REV3L: variants seen among roughly 807,000 people sequenced by gnomAD.
The protein encoded by REV3L is DNA polymerase zeta catalytic subunit.
REV3L carries 69 observed loss-of-function variants against 299.4 expected under a neutral mutation model. The observed-to-expected ratio is 0.23, with a 90% CI of 0.19 to 0.28. The LOEUF (loss-of-function observed/expected upper bound fraction) is 0.28. Ranked by LOEUF, REV3L falls within the 10% of genes least tolerant of loss-of-function variation. The pLI is 1.00. For missense variants in REV3L, 3,128 were observed against 3,693.8 expected, an observed-to-expected ratio of 0.85 and a Z score of 3.97; for synonymous variants, 1,238 against 1,271.4, an observed-to-expected ratio of 0.97 and a Z score of 0.56.
In REV3L at chr6:111,367,617, T is replaced by C; in HGVS notation, c.6171A>G (p.Pro2057=). The change falls in exon 14 of 32, where the codon CCA becomes CCG. Residue 2057 remains proline (P), a synonymous_variant. Coordinates refer to ENST00000368802, the MANE Select transcript of REV3L (RefSeq NM_001372078.1). ...TATGTGCTGTAGTGGGGAGTATACA[T>C]GGACTTACATCCATTTTTGGAGGCA... ...PVVPPKMDVS[P]CILPTTAHTK... is the part of the protein sequence containing the mutation. 5 of 1,614,222 alleles carry C rather than the reference T, an allele frequency of 3.1e-6. No homozygotes were observed. Among genetic ancestry groups the C allele is most frequent in the Non-Finnish European group, 4.2e-6 (5 of 1,180,034 alleles).
chr6:111,482,960 T>C lies in REV3L; in HGVS notation c.-72A>G, dbSNP rs1465788656. 1.4e-6 allele frequency: 2 copies of C among 1,431,720 alleles called. No individual in the cohort carries two copies. Among genetic ancestry groups the C allele is most frequent in the Non-Finnish European group, 1.8e-6 (2 of 1,096,858 alleles). 88.7% of individuals were successfully genotyped at this position (1,431,720 alleles called of 1,614,324 possible). A position where few individuals can be genotyped will look rare whatever the true frequency, so the allele number is the denominator to read the frequency against. On this transcript the variant is annotated 5_prime_UTR_variant, in exon 1 of 32. Transcript: ENST00000368802. Reference sequence around the variant, plus strand: ...GGCAGCAGCAGCGGCGGCGGCTCCCTCCGCAGCGGCGGCGGCGCCCCCTCC... The same window carrying C: ...GGCAGCAGCAGCGGCGGCGGCTCCCCCCGCAGCGGCGGCGGCGCCCCCTCC...
At position 111,359,011 on chromosome 6, in the gene REV3L, G is replaced by C. The variant is rs1267501373; in HGVS notation, c.6883C>G (p.Gln2295Glu). Residue 2295 changes from glutamine to glutamate, a missense_variant, in exon 17 of 32, where the codon CAA becomes GAA. Physicochemically the swap from Gln to Glu is conservative, Grantham distance 29. This residue lies in a region of REV3L where 2,409 missense variants were observed against 2,611.8 expected (regional missense o/e 0.92). Transcript: ENST00000368802. ...TCCACACTGATTAGGGTAAGATTTT[G>C]TATCTATAAAAGCAAATAAATACTA... is the stretch of plus-strand genomic sequence containing the variant. The part of the protein sequence containing the change: ...LQEAKALHEI[Q>E]NLTLISVELH... 2.5e-6 allele frequency: 4 copies of C among 1,605,552 alleles called. No individual in the cohort carries two copies. Among genetic ancestry groups the C allele is most frequent in the East Asian group, 2.2e-5 (1 of 44,740 alleles).
intron 13 of REV3L, among the ~76,000 whole-genome samples, chr6:111,369,390 A>G (rs1779560746): frequency 6.6e-6 from 1 of 152,036 alleles, no homozygotes; most frequent in Non-Finnish European, 1.5e-5. Context: ...AAAATCTCCT[A>G]ATATGTATCA....
Position 111,313,250 on chromosome 6 carries a change from A to C in REV3L, c.8604+102T>G, listed in dbSNP as rs918408742. 5 of 1,008,076 alleles carry C rather than the reference A, an allele frequency of 5.0e-6. No homozygotes were observed. The Admixed American group carries it at 1.3e-4, about 26-fold the overall frequency. 62.4% of individuals were successfully genotyped at this position (1,008,076 alleles called of 1,614,324 possible). A position where few individuals can be genotyped will look rare whatever the true frequency, so the allele number is the denominator to read the frequency against. ...TATAGTTATATTAATTATATAGGCTATAGTTCCTTCACCTAGATGCATGTT... is the reference window on the plus strand; with the variant it reads ...TATAGTTATATTAATTATATAGGCTCTAGTTCCTTCACCTAGATGCATGTT... On this transcript the variant is annotated intron_variant, in intron 28 of 31. Transcript: ENST00000368802.
At chr6:111,396,476 T>C (rs1782524186) in intron 4 of REV3L, among the ~76,000 whole-genome samples, 1 of 152,120 alleles carries the variant, frequency 6.6e-6, no homozygotes, top group Non-Finnish European at 1.5e-5. Context: ...TCCTGTCTGA[T>C]TTTGGTATCA....
At chr6:111,418,055 T>G (rs1784949342) in intron 1 of REV3L, among the ~76,000 whole-genome samples, 1 of 152,342 alleles carries the variant, frequency 6.6e-6, no homozygotes, top group African/African-American at 2.4e-5. Context: ...GATGACTTAC[T>G]TGAATGCTTT....
At position 111,313,227 on chromosome 6, in the gene REV3L, T is replaced by C. The variant is rs539862968; in HGVS notation, c.8604+125A>G. On this transcript the variant is annotated intron_variant, in intron 28 of 31. Transcript: ENST00000368802. Reference sequence around the variant, plus strand: ...CTCAAAATTCATGTAGTTACTCCTATAGTTATATTAATTATATAGGCTATA... The same window carrying C: ...CTCAAAATTCATGTAGTTACTCCTACAGTTATATTAATTATATAGGCTATA... 5.0e-5 allele frequency: 39 copies of C among 784,718 alleles called. 1 individual carries two copies. The highest frequency in any genetic ancestry group is 7.4e-5 in the Non-Finnish European group (39 of 526,044). 48.6% of individuals were successfully genotyped at this position (784,718 alleles called of 1,614,324 possible). A position where few individuals can be genotyped will look rare whatever the true frequency, so the allele number is the denominator to read the frequency against.
At chr6:111,388,825 A>C (rs1248084988) in intron 7 of REV3L, among the ~76,000 whole-genome samples, 1 of 152,216 alleles carries the variant, frequency 6.6e-6, no homozygotes, top group Non-Finnish European at 1.5e-5. Flanking sequence ...GCTAGAACAT[A>C]CTAGAGAATG....
In REV3L at chr6:111,299,874, G is replaced by T; in HGVS notation, c.*142C>A. The T allele has an allele frequency of 1.4e-6, 1 of 695,930 alleles. No homozygotes were observed. The highest frequency in any genetic ancestry group is 2.9e-5 in the East Asian group (1 of 34,164). 43.1% of individuals were successfully genotyped at this position (695,930 alleles called of 1,614,324 possible). On this transcript the variant is annotated 3_prime_UTR_variant, in exon 32 of 32. Coordinates refer to ENST00000368802, the MANE Select transcript of REV3L (RefSeq NM_001372078.1). ...GAGATCAACAAGTACATTTTAATTC[G>T]GTTAGCATAGAAGTCTTCATAGTCT... is the stretch of plus-strand genomic sequence containing the variant.
chr6:111,317,612 C>T (rs1773679461), intron 26 of REV3L, among the ~76,000 whole-genome samples: 1 of 152,106 alleles, frequency 6.6e-6, no homozygotes, highest in Admixed American at 6.6e-5. Flanking sequence ...CAGTCTATTC[C>T]TGGCCCCAGG....
At chr6:111,402,375 G>T (rs1366986048) in intron 4 of REV3L, among the ~76,000 whole-genome samples, 2 of 152,064 alleles carry the variant, frequency 1.3e-5, no homozygotes, top group Non-Finnish European at 2.9e-5. Context: ...CCACCTGCTG[G>T]GCAGGACCCA....
intron 13 of REV3L, among the ~76,000 whole-genome samples, chr6:111,371,749 A>G (rs1049141057): frequency 2.0e-5 from 3 of 152,058 alleles, no homozygotes; most frequent in Admixed American, 2.0e-4. Flanking sequence ...TTTTTAGTAG[A>G]GACAGGGTTT....
chr6:111,472,208 C>T (rs1268495681), intron 1 of REV3L: 1 of 1,013,468 alleles, frequency 9.9e-7, no homozygotes, highest in Non-Finnish European at 1.3e-6. Flanking sequence ...CATGTTTTAA[C>T]TTTACATTTT....
chr6:111,332,460 A>G (rs1192116196), intron 23 of REV3L, among the ~76,000 whole-genome samples: 1 of 152,218 alleles, frequency 6.6e-6, no homozygotes, highest in Admixed American at 6.5e-5. Context: ...TTAAATAGAA[A>G]TACTGTAAAT....
chr6:111,376,819 C>G, intron 12 of REV3L, 62 bp from the exon 13 acceptor site: 1 of 1,340,262 alleles, frequency 7.5e-7, no homozygotes, highest in Non-Finnish European at 1.0e-6. Flanking sequence ...AAGACATTTT[C>G]CCACACCAAG....
chr6:111,447,070 AAC>A (rs1480465603), intron 1 of REV3L, among the ~76,000 whole-genome samples: 3 of 152,198 alleles, frequency 2.0e-5, no homozygotes, highest in African/African-American at 4.8e-5. Flanking sequence ...TATATTTGAA[AAC>A]AGTTAATTTT....
chr6:111,411,671 C>T, intron 2 of REV3L, 117 bp from the exon 3 acceptor site: 1 of 678,348 alleles, frequency 1.5e-6, no homozygotes, highest in Non-Finnish European at 2.4e-6. Context: ...TAATATTATC[C>T]ACCCCCCAAA....
At chr6:111,333,053 A>C (rs1382658481) in intron 23 of REV3L, 70 bp downstream of exon 23, 1 of 1,548,770 alleles carries the variant, frequency 6.5e-7, no homozygotes, top group Non-Finnish European at 8.8e-7. Context: ...AGAGACACTC[A>C]GAAAGTGTCT....
intron 26 of REV3L, 38 bp downstream of exon 26, chr6:111,322,531 A>C (rs1284807231): frequency 7.0e-7 from 1 of 1,418,820 alleles, no homozygotes; most frequent in Non-Finnish European, 1.0e-6. Context: ...AGATCTAGAG[A>C]GATGCAAAAG....
Sources: gnomAD v4.1 joint callset for allele counts (sites outside exome capture counted in the v4.1 genomes callset) on GRCh38, gnomAD v4.1.1 for gene constraint, gnomAD v4.1.1 regional missense constraint, MANE v1.5 for transcripts, NCBI Gene and HGNC (gene_info 2026-07-23, HGNC 2026-07-21) for gene names.